The following DNAH8 variants were observed in gnomAD, a reference collection of about 807,000 sequenced individuals.
DNAH8 encodes axonemal beta dynein heavy chain 8.
A neutral mutation model predicts 562.1 loss-of-function variants in DNAH8; 382 were observed. The ratio of observed to expected loss-of-function variants is 0.68; its 90% CI spans 0.63 to 0.74. The LOEUF (loss-of-function observed/expected upper bound fraction) is 0.74, where lower values mean the gene tolerates loss of function less well. Among genes scored for constraint, DNAH8 ranks in the 30% least tolerant of loss-of-function variants. The pLI, the probability that DNAH8 is intolerant of heterozygous loss-of-function variation, is 0.00. For missense variants in DNAH8, 5,203 were observed against 5,620.4 expected (o/e 0.93, Z 2.37); for synonymous variants, 1,881 against 1,919.4 (o/e 0.98, Z 0.52).
At position 38,839,191 on chromosome 6, in the gene DNAH8, A is replaced by G. The variant is rs75777206; in HGVS notation, c.4466+1149A>G. ...CTGCATTTTACACACTCTCCAGGTG[A>G]CTGTGATGCACACTCAGCCTGAGAT... On this transcript the variant is annotated intron_variant, in intron 33 of 92. Transcript: ENST00000327475. Among the ~76,000 whole-genome samples, 1,554 of 152,290 alleles carry G rather than the reference A, an allele frequency of 0.01. 87 individuals carry two copies. In the East Asian group the frequency reaches 0.15, roughly 14 times the overall value.
intron 31 of DNAH8, among the ~76,000 whole-genome samples, chr6:38,834,356 AAATCAT>A (rs573802473): frequency 1.1e-3 from 168 of 152,318 alleles, no homozygotes; most frequent in African/African-American, 3.9e-3. Context: ...AATGTACTAA[AAATCAT>A]TGACTTGTAC....
At chr6:38,827,464 T>G (rs1773433071) in intron 29 of DNAH8, among the ~76,000 whole-genome samples, 1 of 152,138 alleles carries the variant, frequency 6.6e-6, no homozygotes, top group African/African-American at 2.4e-5. Context: ...TTGTTGTCTA[T>G]AAACAATGCA....
intron 63 of DNAH8, among the ~76,000 whole-genome samples, chr6:38,906,832 C>T (rs1044852056): frequency 1.3e-4 from 20 of 152,126 alleles, no homozygotes; most frequent in Non-Finnish European, 2.5e-4. Flanking sequence ...AAAGACTCAC[C>T]AGACTCAGCA....
intron 17 of DNAH8, among the ~76,000 whole-genome samples, chr6:38,785,105 A>C (rs191625527): frequency 1.4e-4 from 22 of 152,340 alleles, no homozygotes; most frequent in Non-Finnish European, 3.1e-4. Flanking sequence ...GAATTCTTTC[A>C]TACTTTCAAT....
Position 38,781,273 on chromosome 6 carries a change from A to T in DNAH8, c.2159A>T (p.Asp720Val), listed in dbSNP as rs138373981. 2.0e-5 allele frequency: 33 copies of T among 1,613,794 alleles called. No individual in the cohort carries two copies. In the African/African-American group the frequency reaches 3.6e-4, roughly 18 times the overall value. Residue 720 changes from aspartate to valine, a missense_variant, in exon 16 of 93, where the codon GAT (aspartate) becomes GTT (valine). By Grantham distance (152) the Asp-to-Val change is radical. Around this residue, in one of 6 missense-constraint regions of DNAH8, gnomAD observed 2,176 missense variants for 2,365.1 expected, o/e 0.92. Coordinates refer to ENST00000327475, the MANE Select transcript of DNAH8 (RefSeq NM_001206927.2). ...TTACAGCTTTATCATTCTCAGAAAG[A>T]TGACCCCCCTCTTGCTCGCAACATG... is the stretch of plus-strand genomic sequence containing the variant. ...ATKKLYHSQK[D>V]DPPLARNMPP...
chr6:38,731,272 G>A (rs1281696771), intron 4 of DNAH8, among the ~76,000 whole-genome samples: 1 of 152,124 alleles, frequency 6.6e-6, no homozygotes, highest in Non-Finnish European at 1.5e-5. Context: ...CCACTCAGTT[G>A]GAGAAAGCAC....
chr6:39,019,385 T>G (rs1217283385), intron 91 of DNAH8, among the ~76,000 whole-genome samples: 1 of 152,116 alleles, frequency 6.6e-6, no homozygotes, highest in Non-Finnish European at 1.5e-5. Flanking sequence ...AAGCAGGAGG[T>G]GAGGTCCTCT....
intron 53 of DNAH8, among the ~76,000 whole-genome samples, chr6:38,878,905 G>T (rs940980540): frequency 6.6e-6 from 1 of 151,996 alleles, no homozygotes; most frequent in African/African-American, 2.4e-5. Flanking sequence ...ATGTTAATTC[G>T]CTTGTAATAA....
intron 53 of DNAH8, 88 bp downstream of exon 53, chr6:38,875,916 T>C: frequency 1.3e-6 from 1 of 795,484 alleles, no homozygotes; most frequent in Admixed American, 2.6e-5. Context: ...TGAGAGAATA[T>C]TAAAACAATT....
At chr6:38,716,152 G>C (rs1006022613) in intron 1 of DNAH8, among the ~76,000 whole-genome samples, 3 of 149,794 alleles carry the variant, frequency 2.0e-5, no homozygotes, top group Admixed American at 6.7e-5. Flanking sequence ...CAGTGGAGAC[G>C]GGGTTTCACA....
At chr6:38,783,228 C>A in intron 17 of DNAH8, 89 bp downstream of exon 17, 1 of 1,169,406 alleles carries the variant, frequency 8.6e-7, no homozygotes, top group South Asian at 1.5e-5. Flanking sequence ...TCCATCCCTT[C>A]CACATAATCT....
chr6:38,979,483 A>G (rs1377845992), intron 85 of DNAH8, among the ~76,000 whole-genome samples: 1 of 152,206 alleles, frequency 6.6e-6, no homozygotes, highest in Non-Finnish European at 1.5e-5. Flanking sequence ...GTTTGAGTCT[A>G]TCCTGATAGT....
intron 91 of DNAH8, among the ~76,000 whole-genome samples, chr6:39,020,319 T>G (rs539722482): frequency 6.6e-6 from 1 of 152,112 alleles, no homozygotes; most frequent in Non-Finnish European, 1.5e-5. Flanking sequence ...TCAAACTTGT[T>G]CTTAAAACAA....
chr6:38,739,400 G>A (rs1449126025), intron 7 of DNAH8, among the ~76,000 whole-genome samples: 2 of 152,036 alleles, frequency 1.3e-5, no homozygotes, highest in Non-Finnish European at 2.9e-5. Context: ...GTGTTACAAA[G>A]GCATTCTCTT....
Position 38,909,512 on chromosome 6 carries a change from CA to C in DNAH8, c.9514-4del, listed in dbSNP as rs1180129657. 6.2e-7 allele frequency: 1 copy of C among 1,613,616 alleles called. No homozygotes were observed. Among genetic ancestry groups the C allele is most frequent in the Non-Finnish European group, 8.5e-7 (1 of 1,179,730 alleles). On this transcript the variant is annotated splice_polypyrimidine_tract_variant and splice_region_variant and intron_variant, in intron 64 of 92. Transcript: ENST00000327475. ...TTCTAATGTTTGTTGACTTTGCTAT[CA>C]ATAGGTTGGTGAGAAGTTCCGTGCC...
chr6:38,876,290 T>C (rs2150447013), intron 53 of DNAH8, among the ~76,000 whole-genome samples: 1 of 152,286 alleles, frequency 6.6e-6, no homozygotes, highest in East Asian at 1.9e-4. Context: ...CTTCCATGTA[T>C]GGCCGGGCCC....
intron 9 of DNAH8, among the ~76,000 whole-genome samples, chr6:38,755,183 C>A (rs1300914145): frequency 1.3e-5 from 2 of 152,022 alleles, no homozygotes; most frequent in African/African-American, 4.8e-5. Context: ...TTCTTAATAG[C>A]ACAGAAAATA....
At chr6:38,773,864 G>T (rs539207479) in intron 12 of DNAH8, among the ~76,000 whole-genome samples, 1 of 152,304 alleles carries the variant, frequency 6.6e-6, no homozygotes, top group East Asian at 1.9e-4. Context: ...TGTGCACTAA[G>T]AGCCTATTAG....
rs941061967 is a variant in DNAH8, at chr6:38,921,683, C to T, written c.10662+177C>T. On this transcript the variant is annotated intron_variant, in intron 71 of 92. Coordinates refer to ENST00000327475, the MANE Select transcript of DNAH8 (RefSeq NM_001206927.2). ...TGTGTTTTCACTGATCAAACTTTAC[C>T]GTCACTGATTTGAGGGTTAGAAAAC... Among the ~76,000 whole-genome samples the T allele has an allele frequency of 2.0e-5, 3 of 152,214 alleles. No individual in the cohort carries two copies. In the South Asian group the frequency reaches 6.2e-4, roughly 32 times the overall value.
Sources: gnomAD v4.1 joint callset for allele counts (sites outside exome capture counted in the v4.1 genomes callset) on GRCh38, gnomAD v4.1.1 for gene constraint, gnomAD v4.1.1 regional missense constraint, MANE v1.5 for transcripts, NCBI Gene and HGNC (gene_info 2026-07-23, HGNC 2026-07-21) for gene names.